TMEM65: variants seen among roughly 807,000 people sequenced by gnomAD.
The protein encoded by TMEM65 is transmembrane protein 65.
In TMEM65, 22 loss-of-function variants were observed where a neutral mutation model predicts 25.4. That is an observed-to-expected ratio of 0.86 (90% CI 0.62 to 1.23). The LOEUF is 1.23. Among genes scored for constraint, TMEM65 ranks in the 50% most tolerant of loss-of-function variants. The pLI is 0.00. For synonymous variants in TMEM65, 132 were observed against 126.2 expected (o/e 1.05, Z -0.31); for missense variants, 262 against 308.2 (o/e 0.85, Z 1.12).
chr8:124,351,472 G>A (rs1814707353), intron 1 of TMEM65, among the ~76,000 whole-genome samples: 1 of 152,110 alleles, frequency 6.6e-6, no homozygotes, highest in Non-Finnish European at 1.5e-5. Context: ...AAAGTGTGTT[G>A]TTTCTTTGGA....
At chr8:124,347,453 G>A (rs1357414267) in intron 1 of TMEM65, among the ~76,000 whole-genome samples, 1 of 152,090 alleles carries the variant, frequency 6.6e-6, no homozygotes, top group Non-Finnish European at 1.5e-5. Context: ...GCAAGAGAAA[G>A]GCAAGGGACA....
chr8:124,360,687 T>C (rs993142977), intron 1 of TMEM65, among the ~76,000 whole-genome samples: 1 of 152,186 alleles, frequency 6.6e-6, no homozygotes, highest in Non-Finnish European at 1.5e-5. Flanking sequence ...GCTTTGGAGA[T>C]ATAAATTTTC....
At chr8:124,337,114 CA>C (rs149299357) in intron 1 of TMEM65, among the ~76,000 whole-genome samples, 9 of 151,548 alleles carry the variant, frequency 5.9e-5, no homozygotes, top group African/African-American at 2.2e-4. Flanking sequence ...TATTTGTTAC[CA>C]AAAAACTTTA....
At chr8:124,340,747 A>T (rs1272944926) in intron 1 of TMEM65, among the ~76,000 whole-genome samples, 1 of 152,178 alleles carries the variant, frequency 6.6e-6, no homozygotes, top group Non-Finnish European at 1.5e-5. Flanking sequence ...TGTCTTCCCT[A>T]TACCAGAAGG....
intron 1 of TMEM65, among the ~76,000 whole-genome samples, chr8:124,337,644 G>T (rs933183687): frequency 2.0e-4 from 31 of 151,718 alleles, no homozygotes; most frequent in Non-Finnish European, 3.2e-4. Context: ...GGTTAAATAA[G>T]ATAAGACAGT....
chr8:124,334,056 A>T (rs753228212), intron 1 of TMEM65, among the ~76,000 whole-genome samples: 1 of 152,156 alleles, frequency 6.6e-6, no homozygotes, highest in African/African-American at 2.4e-5. Flanking sequence ...TAAGGGCAAA[A>T]TAAGTAAAGA....
chr8:124,371,732 G>C (rs865883136), intron 1 of TMEM65, 122 bp downstream of exon 1: 72 of 981,096 alleles, frequency 7.3e-5, no homozygotes, highest in Middle Eastern at 6.7e-4. Context: ...GACAGGCGAG[G>C]GGGGCGGAAG....
At chr8:124,315,329 G>GT (rs1426529969) in intron 6 of TMEM65, among the ~76,000 whole-genome samples, 2,444 of 142,112 alleles carry the variant, frequency 0.017, 77 homozygotes, top group African/African-American at 0.058. Context: ...TTTTTTGTTT[G>GT]TTTTTTTTTT....
At chr8:124,356,718 ATT>A (rs976311002) in intron 1 of TMEM65, among the ~76,000 whole-genome samples, 30 of 151,714 alleles carry the variant, frequency 2.0e-4, no homozygotes, top group African/African-American at 7.3e-4. Context: ...TTTTATTTTT[ATT>A]TTTTTGAGAC....
At position 124,313,699 on chromosome 8, in the gene TMEM65, A is replaced by G. The variant is rs1483279418; in HGVS notation, c.*261T>C. The G allele has an allele frequency of 2.0e-5, 7 of 355,618 alleles. No individual in the cohort carries two copies. The highest frequency in any genetic ancestry group is 8.9e-5 in the Admixed American group (2 of 22,374). 22.0% of individuals were successfully genotyped at this position (355,618 alleles called of 1,614,324 possible). On this transcript the variant is annotated 3_prime_UTR_variant, in exon 7 of 7. Coordinates refer to ENST00000297632, the MANE Select transcript of TMEM65 (RefSeq NM_194291.3). Reference sequence around the variant, plus strand: ...CAATGACACTTAAATAACATTATGAATATAAAAAGAAAGGATAAAATGTTG... The same window carrying G: ...CAATGACACTTAAATAACATTATGAGTATAAAAAGAAAGGATAAAATGTTG...
At chr8:124,371,440 G>C (rs544567198) in intron 1 of TMEM65, among the ~76,000 whole-genome samples, 37 of 152,324 alleles carry the variant, frequency 2.4e-4, no homozygotes, top group African/African-American at 8.4e-4. Flanking sequence ...CACTTTCTCG[G>C]AGCAGGCACA....
At chr8:124,356,415 A>G (rs752805561) in intron 1 of TMEM65, among the ~76,000 whole-genome samples, 14 of 152,168 alleles carry the variant, frequency 9.2e-5, no homozygotes, top group Non-Finnish European at 2.1e-4. Context: ...CATATACTTA[A>G]AGTAAATTCA....
Position 124,310,935 on chromosome 8 carries a change from G to C in TMEM65, c.*3025C>G, listed in dbSNP as rs1228202428. On this transcript the variant is annotated 3_prime_UTR_variant, in exon 7 of 7. Coordinates refer to ENST00000297632, the MANE Select transcript of TMEM65 (RefSeq NM_194291.3). ...GATAATGCTTAGCCACTAAGAAAAA[G>C]GTTATATTATATTTAATATACTGTC... 2 of 151,830 alleles carry C rather than the reference G, an allele frequency of 1.3e-5. No individual in the cohort carries two copies. The highest frequency in any genetic ancestry group is 4.8e-5 in the African/African-American group (2 of 41,330). 9.4% of individuals were successfully genotyped at this position (151,830 alleles called of 1,614,324 possible).
intron 6 of TMEM65, among the ~76,000 whole-genome samples, chr8:124,315,721 G>GT (rs986925059): frequency 2.6e-5 from 4 of 152,072 alleles, no homozygotes; most frequent in Admixed American, 6.6e-5. Flanking sequence ...GCTTTTGGTG[G>GT]TGGTAGTGGT....
intron 1 of TMEM65, among the ~76,000 whole-genome samples, chr8:124,333,770 G>A (rs981625973): frequency 6.6e-6 from 1 of 152,170 alleles, no homozygotes; most frequent in Admixed American, 6.5e-5. Flanking sequence ...GACACTAAGT[G>A]AGTTAGTTAC....
At position 124,339,207 on chromosome 8, in the gene TMEM65, AAAAAAAAAAAAAAAAATATATATATATAT is replaced by A. The variant is rs1814551660; in HGVS notation, c.305-8444_305-8416del. ...ACTCTGTCTCAAAAAAAAAAAAAAA[AAAAAAAAAAAAAAAAATATATATATATAT>A]ATATATATATATAAAATATTCTTGC... On this transcript the variant is annotated intron_variant, in intron 1 of 6. Coordinates refer to ENST00000297632, the MANE Select transcript of TMEM65 (RefSeq NM_194291.3). 6.4e-5 allele frequency among the ~76,000 whole-genome samples: 3 copies of A among 46,998 alleles called. No homozygotes were observed. The Admixed American group carries it at 9.8e-4, about 15-fold the overall frequency. The allele number at this position is 46,998 out of a possible 152,430, so 30.8% of individuals were successfully genotyped here. A position where few individuals can be genotyped will look rare whatever the true frequency, so the allele number is the denominator to read the frequency against.
intron 1 of TMEM65, among the ~76,000 whole-genome samples, chr8:124,363,679 T>C (rs1383212774): frequency 6.6e-6 from 1 of 150,844 alleles, no homozygotes; most frequent in Non-Finnish European, 1.5e-5. Flanking sequence ...CTACTAAAAA[T>C]ACAAAAAATT....
intron 6 of TMEM65, among the ~76,000 whole-genome samples, chr8:124,316,924 T>C (rs947000130): frequency 1.8e-4 from 27 of 152,178 alleles, no homozygotes; most frequent in African/African-American, 6.5e-4. Flanking sequence ...TCAACCTTTA[T>C]AAAGTAAAAA....
chr8:124,362,139 G>A (rs997685499), intron 1 of TMEM65, among the ~76,000 whole-genome samples: 3 of 151,944 alleles, frequency 2.0e-5, no homozygotes, highest in South Asian at 2.1e-4. Flanking sequence ...TGATCCACCC[G>A]CCTCGGCCTC....
Sources: allele counts gnomAD v4.1 joint callset (sites outside exome capture counted in the v4.1 genomes callset), GRCh38; gene constraint gnomAD v4.1.1; transcripts MANE v1.5; gene names NCBI Gene and HGNC (gene_info 2026-07-23, HGNC 2026-07-21).